The following RPS6KC1 variants were observed in gnomAD, a reference collection of about 807,000 sequenced individuals.
RPS6KC1 encodes ribosomal protein S6 kinase C1.
RPS6KC1 carries 54 observed loss-of-function variants against 103.8 expected under a neutral mutation model. The observed-to-expected ratio is 0.52, with a 90% CI of 0.42 to 0.65. RPS6KC1 has a LOEUF of 0.65. RPS6KC1 is among the 30% of genes least tolerant of loss of function. RPS6KC1 has a pLI of 0.00. For synonymous variants in RPS6KC1, 439 were observed against 438.7 expected (o/e 1.00, Z -0.01); for missense variants, 1,151 against 1,253.8 (o/e 0.92, Z 1.24).
chr1:213,344,086 A>T, the RPS6KC1 span, among the ~76,000 whole-genome samples: 3 of 152,280 alleles, frequency 2.0e-5, no homozygotes, highest in Non-Finnish European at 2.9e-5. Context: ...GACAAAACAA[A>T]CAAACAAAAC....
At chr1:213,431,358 A>T in the RPS6KC1 span, among the ~76,000 whole-genome samples, 1 of 152,086 alleles carries the variant, frequency 6.6e-6, no homozygotes, top group East Asian at 1.9e-4. Flanking sequence ...TAGTTATATG[A>T]GATTTTTTTT....
At position 213,146,089 on chromosome 1, in the gene RPS6KC1, A is replaced by T. The variant is rs576213489; in HGVS notation, c.835+16200A>T. Among the ~76,000 whole-genome samples the T allele has an allele frequency of 9.6e-3, 1,245 of 129,910 alleles. 20 individuals are homozygous for T. The highest frequency in any genetic ancestry group is 0.034 in the African/African-American group (1,152 of 33,524). The allele number at this position is 129,910 out of a possible 152,430, so 85.2% of individuals were successfully genotyped here. ...TTTTACTCTCTGTGCTCATGAATTC[A>T]TTTTTTTTTTTTTTTAATATTTAGA... On this transcript the variant is annotated intron_variant, in intron 6 of 14. Coordinates refer to ENST00000366960, the MANE Select transcript of RPS6KC1 (RefSeq NM_012424.6).
At chr1:213,735,874 C>T in the RPS6KC1 span, among the ~76,000 whole-genome samples, 5 of 152,290 alleles carry the variant, frequency 3.3e-5, no homozygotes, top group East Asian at 9.7e-4. Flanking sequence ...AAACCTGATT[C>T]TCTTAGAATC....
chr1:213,744,481 G>A, the RPS6KC1 span, among the ~76,000 whole-genome samples: 1 of 152,124 alleles, frequency 6.6e-6, no homozygotes, highest in East Asian at 1.9e-4. Context: ...GTCCCCCCAT[G>A]GGCCTTTCTT....
At chr1:213,328,508 A>C in the RPS6KC1 span, among the ~76,000 whole-genome samples, 1 of 44,622 alleles carries the variant, frequency 2.2e-5, no homozygotes, top group South Asian at 9.3e-4. Context: ...ATTATACTAT[A>C]TATATATATA....
chr1:213,316,312 A>C, the RPS6KC1 span, among the ~76,000 whole-genome samples: 1 of 152,186 alleles, frequency 6.6e-6, no homozygotes, highest in Non-Finnish European at 1.5e-5. Context: ...TTTTCTTTGT[A>C]AATTACCCAG....
At chr1:213,193,557 T>C (rs1452214389) in intron 8 of RPS6KC1, among the ~76,000 whole-genome samples, 1 of 151,548 alleles carries the variant, frequency 6.6e-6, no homozygotes, top group African/African-American at 2.4e-5. Context: ...CCACCATGCC[T>C]GGCCTCTTTG....
chr1:213,173,447 GTA>G (rs1172766240), intron 7 of RPS6KC1, among the ~76,000 whole-genome samples: 1 of 152,170 alleles, frequency 6.6e-6, no homozygotes, highest in Admixed American at 6.5e-5. Context: ...TTCGGAGACT[GTA>G]TAGTCAAGAC....
At chr1:213,354,075 T>A in the RPS6KC1 span, among the ~76,000 whole-genome samples, 2 of 152,240 alleles carry the variant, frequency 1.3e-5, no homozygotes, top group African/African-American at 2.4e-5. Flanking sequence ...GTGTCTAGCA[T>A]ATGGGTTCTG....
chr1:213,161,166 C>T (rs2090438053), intron 6 of RPS6KC1, among the ~76,000 whole-genome samples: 1 of 152,062 alleles, frequency 6.6e-6, no homozygotes, highest in South Asian at 2.1e-4. Flanking sequence ...AACTATTAGG[C>T]ATCTTTTAAA....
the RPS6KC1 span, among the ~76,000 whole-genome samples, chr1:213,435,413 T>C: frequency 6.6e-6 from 1 of 152,268 alleles, no homozygotes; most frequent in East Asian, 1.9e-4. Flanking sequence ...TTTTATTTTA[T>C]GCAAGACATT....
chr1:213,719,250 A>G, the RPS6KC1 span, among the ~76,000 whole-genome samples: 4 of 152,224 alleles, frequency 2.6e-5, no homozygotes, highest in Non-Finnish European at 5.9e-5. Context: ...TATTCAATAT[A>G]GTTATTTATT....
chr1:213,533,143 A>G, the RPS6KC1 span, among the ~76,000 whole-genome samples: 1 of 152,184 alleles, frequency 6.6e-6, no homozygotes, highest in Non-Finnish European at 1.5e-5. Flanking sequence ...ACATGCAGGA[A>G]GAGCCAGAAC....
chr1:213,351,274 A>G, the RPS6KC1 span, among the ~76,000 whole-genome samples: 2 of 152,252 alleles, frequency 1.3e-5, no homozygotes, highest in Non-Finnish European at 2.9e-5. Context: ...ATTTGTCAGC[A>G]TGAAAAGCTA....
chr1:213,323,628 T>C, the RPS6KC1 span, among the ~76,000 whole-genome samples: 1 of 152,238 alleles, frequency 6.6e-6, no homozygotes, highest in Admixed American at 6.5e-5. Flanking sequence ...CAAGTCCCTA[T>C]TGCCCCGTTA....
At chr1:213,754,199 C>A in the RPS6KC1 span, among the ~76,000 whole-genome samples, 2 of 152,220 alleles carry the variant, frequency 1.3e-5, no homozygotes, top group African/African-American at 4.8e-5. Flanking sequence ...GATCCATATG[C>A]CAGCATGGTT....
the RPS6KC1 span, among the ~76,000 whole-genome samples, chr1:213,336,654 G>C: frequency 7.2e-4 from 109 of 152,214 alleles, no homozygotes; most frequent in African/African-American, 2.6e-3. Flanking sequence ...TAAATAATTA[G>C]AGCAGATATT....
the RPS6KC1 span, among the ~76,000 whole-genome samples, chr1:213,594,914 C>G: frequency 6.6e-6 from 1 of 152,006 alleles, no homozygotes; most frequent in African/African-American, 2.4e-5. Context: ...GAAAAGTGGC[C>G]TGGGGCTAGA....
the RPS6KC1 span, among the ~76,000 whole-genome samples, chr1:213,646,976 C>T: frequency 6.6e-6 from 1 of 152,018 alleles, no homozygotes; most frequent in South Asian, 2.1e-4. Flanking sequence ...GAGCTCATTG[C>T]AACCTCCACC....
Sources: allele counts gnomAD v4.1 joint callset (sites outside exome capture counted in the v4.1 genomes callset), GRCh38; gene constraint gnomAD v4.1.1; transcripts MANE v1.5; gene names NCBI Gene and HGNC (gene_info 2026-07-23, HGNC 2026-07-21).